WASHC2C: variants seen among roughly 807,000 people sequenced by gnomAD.
The protein encoded by WASHC2C is WASH complex subunit 2C, also known as Vaccinia Penetration Factor.
WASHC2C carries 73 observed loss-of-function variants against 142.2 expected under a neutral mutation model. The ratio of observed to expected loss-of-function variants is 0.51; its 90% CI spans 0.43 to 0.62. The LOEUF (loss-of-function observed/expected upper bound fraction) is 0.62. Among genes scored for constraint, WASHC2C ranks in the 20% least tolerant of loss-of-function variants. The pLI, the probability that WASHC2C is intolerant of heterozygous loss-of-function variation, is 0.00. For synonymous variants in WASHC2C, 337 were observed against 565.5 expected (o/e 0.60, Z 5.73); for missense variants, 969 against 1,531.7 (o/e 0.63, Z 6.13).
intron 5 of WASHC2C, among the ~76,000 whole-genome samples, chr10:45,742,718 C>A (rs2134325603): frequency 6.6e-6 from 1 of 152,124 alleles, no homozygotes; most frequent in East Asian, 1.9e-4. Context: ...CTTGGTCCTC[C>A]TCTTCTTGGA....
In WASHC2C at chr10:45,777,401, A is replaced by C; in HGVS notation, c.2271A>C (p.Arg757Ser). The C allele has an allele frequency of 6.2e-7, 1 of 1,609,956 alleles. No homozygotes were observed. The highest frequency in any genetic ancestry group is 1.1e-5 in the South Asian group (1 of 90,932). Residue 757 changes from arginine to serine, a missense_variant, in exon 22 of 31, where the codon AGA becomes AGC. Transcript: ENST00000623400. ...CCAAGGAGTCATTAAAATTTGGGAG[A>C]ACTGATGTGGCTGAGTCAGAAAAGG... ...ESAKESLKFG[R>S]TDVAESEKEG...
chr10:45,739,340 C>T (rs1276921903), intron 4 of WASHC2C, among the ~76,000 whole-genome samples: 6 of 139,872 alleles, frequency 4.3e-5, no homozygotes, highest in Non-Finnish European at 6.1e-5. Flanking sequence ...TGGTTTGGTT[C>T]CTTCTAGAAT....
chr10:45,792,775 A>G lies in WASHC2C; in HGVS notation c.*375A>G. The G allele has an allele frequency of 2.0e-6, 1 of 498,886 alleles. No individual in the cohort carries two copies. Among genetic ancestry groups the G allele is most frequent in the Non-Finnish European group, 4.0e-6 (1 of 247,126 alleles). 30.9% of individuals were successfully genotyped at this position (498,886 alleles called of 1,614,324 possible). On this transcript the variant is annotated 3_prime_UTR_variant, in exon 31 of 31. Transcript: ENST00000623400. ...TCTTTGTTATATGGATGGGAACCCT[A>G]ACTTAGGGCTTGGGCAGGGGAAAGA... is the stretch of plus-strand genomic sequence containing the variant.
intron 6 of WASHC2C, among the ~76,000 whole-genome samples, chr10:45,744,143 C>T (rs1554869945): frequency 6.6e-6 from 1 of 151,038 alleles, no homozygotes; most frequent in Non-Finnish European, 1.5e-5. Flanking sequence ...ACTGCAACCT[C>T]CACCTCCTGG....
At chr10:45,747,641 A>G (rs1554871770) in intron 8 of WASHC2C, among the ~76,000 whole-genome samples, 1 of 150,006 alleles carries the variant, frequency 6.7e-6, no homozygotes, top group Non-Finnish European at 1.5e-5. Flanking sequence ...CCTAGGCTGG[A>G]GTGCAGTGGT....
intron 6 of WASHC2C, among the ~76,000 whole-genome samples, chr10:45,744,151 T>C (rs1295392201): frequency 6.7e-6 from 1 of 149,228 alleles, no homozygotes; most frequent in Non-Finnish European, 1.5e-5. Context: ...CTCCACCTCC[T>C]GGGTTCAAGC....
intron 17 of WASHC2C, 150 bp downstream of exon 17, chr10:45,759,551 G>T: frequency 2.1e-6 from 3 of 1,447,222 alleles, no homozygotes; most frequent in East Asian, 2.6e-5. Context: ...AAGGAGTGGT[G>T]GTTCATGCCT....
chr10:45,752,561 T>C (rs1589712625), intron 11 of WASHC2C, 27 bp from the exon 12 acceptor site: 4 of 1,583,204 alleles, frequency 2.5e-6, no homozygotes, highest in South Asian at 1.1e-5. Context: ...TAATACTCCC[T>C]GCAAAACATT....
rs536967078 is a variant in WASHC2C, at chr10:45,741,275, C to G, written c.528+1029C>G. Among the ~76,000 whole-genome samples the G allele has an allele frequency of 1.8e-3, 273 of 152,268 alleles. 2 individuals are homozygous for G. The highest frequency in any genetic ancestry group is 5.0e-3 in the African/African-American group (208 of 41,544). The stretch of plus-strand genomic sequence containing the variant: ...AACCACTCTTCTAGTCATTCTGTAG[C>G]TGCACATTTCTCTTCCAGTTTGAGC... On this transcript the variant is annotated intron_variant, in intron 5 of 30. Coordinates refer to ENST00000623400, the MANE Select transcript of WASHC2C (RefSeq NM_001330074.2).
intron 23 of WASHC2C, among the ~76,000 whole-genome samples, chr10:45,783,651 G>A (rs1207472192): frequency 6.6e-6 from 1 of 152,108 alleles, no homozygotes; most frequent in Non-Finnish European, 1.5e-5. Flanking sequence ...AGTAGAGGTG[G>A]GGTTTCACCA....
chr10:45,790,574 C>A, intron 30 of WASHC2C, 41 bp downstream of exon 30: 3 of 1,611,960 alleles, frequency 1.9e-6, no homozygotes, highest in Non-Finnish European at 2.5e-6. Flanking sequence ...GAATTCTTAC[C>A]TTTCCATCAC....
rs1248028198 is a variant in WASHC2C, at chr10:45,773,462, T to A, written c.2142+104T>A. On this transcript the variant is annotated intron_variant, in intron 21 of 30. Transcript: ENST00000623400. ...TTCATACCTAACCTTGGAGGCTGAG[T>A]CTTATGGAAGACCTTATTTGCCTGG... is the stretch of plus-strand genomic sequence containing the variant. 2.5e-5 allele frequency: 16 copies of A among 632,620 alleles called. No homozygotes were observed. In the Admixed American group the frequency reaches 4.7e-4, roughly 18 times the overall value. The allele number at this position is 632,620 out of a possible 1,614,324, so 39.2% of individuals were successfully genotyped here.
intron 3 of WASHC2C, among the ~76,000 whole-genome samples, chr10:45,730,296 G>A (rs1396036686): frequency 5.9e-4 from 83 of 139,748 alleles, no homozygotes; most frequent in Non-Finnish European, 1.1e-4. Context: ...GCGGTGAGCC[G>A]AGATCCTGCC....
At chr10:45,785,344 A>G (rs2057956430) in intron 25 of WASHC2C, among the ~76,000 whole-genome samples, 165 bp from the exon 26 acceptor site, 1 of 152,164 alleles carries the variant, frequency 6.6e-6, no homozygotes, top group Admixed American at 6.5e-5. Flanking sequence ...TGACAGCCAC[A>G]GTCTTCAGAA....
chr10:45,786,813 T>A, intron 27 of WASHC2C, 139 bp downstream of exon 27: 4 of 1,533,604 alleles, frequency 2.6e-6, no homozygotes, highest in Admixed American at 1.7e-5. Flanking sequence ...AGTTGTTGTC[T>A]CCTGTGTGCT....
chr10:45,727,215 G>A (rs2049943776), upstream of WASHC2C: 2 of 1,499,182 alleles, frequency 1.3e-6, no homozygotes, highest in Non-Finnish European at 1.8e-6. Flanking sequence ...GTCACGTGAG[G>A]CCGGTCACGC....
At chr10:45,754,453 G>A (rs1554876272) in intron 13 of WASHC2C, 33 bp from the exon 14 acceptor site, 1 of 1,595,634 alleles carries the variant, frequency 6.3e-7, no homozygotes, top group Non-Finnish European at 8.5e-7. Context: ...TATTTCCCTT[G>A]TAAAATGGTT....
intron 8 of WASHC2C, among the ~76,000 whole-genome samples, chr10:45,746,921 A>G (rs2052905916): frequency 6.6e-6 from 1 of 152,222 alleles, no homozygotes; most frequent in African/African-American, 2.4e-5. Flanking sequence ...AGACTCAGTT[A>G]CCCAAACTGA....
chr10:45,740,711 G>C (rs1391754564), intron 5 of WASHC2C, among the ~76,000 whole-genome samples: 1 of 152,326 alleles, frequency 6.6e-6, no homozygotes, highest in Non-Finnish European at 1.5e-5. Flanking sequence ...CATTTGGGTT[G>C]TTTCCGGTTT....
Sources: gnomAD v4.1 joint callset for allele counts (sites outside exome capture counted in the v4.1 genomes callset) on GRCh38, gnomAD v4.1.1 for gene constraint, MANE v1.5 for transcripts, NCBI Gene and HGNC (gene_info 2026-07-23, HGNC 2026-07-21) for gene names.